Variants in IL1RAPL1 observed in about 807,000 individuals in gnomAD.
The protein encoded by IL1RAPL1 is interleukin-1 receptor accessory protein-like 1.
A neutral mutation model predicts 48.4 loss-of-function variants in IL1RAPL1; 3 were observed. The observed-to-expected ratio is 0.06, with a 90% CI of 0.03 to 0.16. The LOEUF (loss-of-function observed/expected upper bound fraction) is 0.16. Ranked by LOEUF, IL1RAPL1 falls within the 10% of genes least tolerant of loss-of-function variation. IL1RAPL1 has a pLI of 1.00. For synonymous variants in IL1RAPL1, 185 were observed against 187.7 expected (o/e 0.99, Z 0.12); for missense variants, 349 against 530.6 (o/e 0.66, Z 3.36).
At chrX:29,072,634 C>T (rs761567267) in intron 2 of IL1RAPL1, among the ~76,000 whole-genome samples, 39 of 111,656 alleles carry the variant, frequency 3.5e-4, no homozygotes, top group Non-Finnish European at 7.0e-4. Context: ...GGATTGGTGA[C>T]AGGATTTATC....
At chrX:29,438,869 G>T (rs972708120) in intron 5 of IL1RAPL1, among the ~76,000 whole-genome samples, 2 of 110,975 alleles carry the variant, frequency 1.8e-5, no homozygotes, top group Non-Finnish European at 3.8e-5. Flanking sequence ...TATAAATAAT[G>T]ACCAGATGCT....
intron 1 of IL1RAPL1, among the ~76,000 whole-genome samples, chrX:28,593,209 G>A (rs1343042426): frequency 9.0e-6 from 1 of 111,255 alleles, no homozygotes; most frequent in African/African-American, 3.3e-5. Flanking sequence ...GTATCCTTGT[G>A]TAGACACAAT....
chrX:28,691,011 C>T (rs196981), intron 1 of IL1RAPL1, among the ~76,000 whole-genome samples: 117 of 111,701 alleles, frequency 1.0e-3, no homozygotes, highest in Non-Finnish European at 2.0e-3. Context: ...AAATTAAAGT[C>T]AATCATTTTT....
chrX:29,625,215 A>G (rs1365237922), intron 5 of IL1RAPL1, among the ~76,000 whole-genome samples: 1 of 112,075 alleles, frequency 8.9e-6, no homozygotes, highest in Non-Finnish European at 1.9e-5. Flanking sequence ...ATTTTAATAA[A>G]AGTCTGTTAA....
chrX:28,824,372 G>A (rs1281645877), intron 2 of IL1RAPL1, among the ~76,000 whole-genome samples: 1 of 110,973 alleles, frequency 9.0e-6, no homozygotes, highest in Non-Finnish European at 1.9e-5. Flanking sequence ...GAAAACTCTA[G>A]TCAGAATTTC....
intron 2 of IL1RAPL1, among the ~76,000 whole-genome samples, chrX:29,066,141 A>G (rs904458521): frequency 2.7e-5 from 3 of 111,779 alleles, no homozygotes; most frequent in Non-Finnish European, 5.6e-5. Context: ...TAGATACTTT[A>G]TTATAGCAAC....
chrX:28,762,817 CACACACAGAGAGAGAGAGAGAGAGAG>C (rs1290623615), intron 1 of IL1RAPL1, among the ~76,000 whole-genome samples: 1,425 of 42,017 alleles, frequency 0.034, 64 homozygotes, highest in Admixed American at 0.25. Context: ...CACACACACA[CACACACAGAGAGAGAGAGAGAGAGAG>C]AGAGAGAGAA....
intron 6 of IL1RAPL1, among the ~76,000 whole-genome samples, chrX:29,706,160 C>T (rs1452821115): frequency 9.0e-6 from 1 of 111,589 alleles, no homozygotes; most frequent in Non-Finnish European, 1.9e-5. Context: ...GACCCGCCCA[C>T]ATGATTCAGT....
chrX:29,365,898 G>C (rs926239234), intron 3 of IL1RAPL1, among the ~76,000 whole-genome samples: 12 of 107,333 alleles, frequency 1.1e-4, no homozygotes, highest in African/African-American at 4.1e-4. Flanking sequence ...AAAATTAGCT[G>C]GGTGTGGTGG....
At chrX:29,797,306 G>A (rs1185798249) in intron 6 of IL1RAPL1, among the ~76,000 whole-genome samples, 1 of 112,297 alleles carries the variant, frequency 8.9e-6, no homozygotes, top group Non-Finnish European at 1.9e-5. Context: ...AAGAAAAGGA[G>A]AATCCAAGTG....
At chrX:28,615,225 T>TTTTTTTTTTTC in intron 1 of IL1RAPL1, among the ~76,000 whole-genome samples, 1 of 98,088 alleles carries the variant, frequency 1.0e-5, no homozygotes, top group Non-Finnish European at 2.0e-5. Context: ...TTTTTTTTTT[T>TTTTTTTTTTTC]TTTTTTTTTA....
intron 1 of IL1RAPL1, among the ~76,000 whole-genome samples, chrX:28,767,333 T>G (rs768522971): frequency 1.2e-4 from 13 of 111,460 alleles, no homozygotes; most frequent in Admixed American, 4.8e-4. Flanking sequence ...CTAGTCAGTG[T>G]CTAATAGCCT....
chrX:29,380,182 GT>G (rs1410938538), intron 3 of IL1RAPL1, among the ~76,000 whole-genome samples: 3 of 108,387 alleles, frequency 2.8e-5, no homozygotes, highest in African/African-American at 1.0e-4. Flanking sequence ...AGCTAATGGT[GT>G]GGGGAAACAG....
intron 6 of IL1RAPL1, among the ~76,000 whole-genome samples, chrX:29,825,554 C>A (rs951227102): frequency 9.0e-6 from 1 of 111,607 alleles, no homozygotes; most frequent in Non-Finnish European, 1.9e-5. Flanking sequence ...CGCAGCTCAA[C>A]AGCGGATGCT....
chrX:28,724,194 C>T (rs374451957), intron 1 of IL1RAPL1, among the ~76,000 whole-genome samples: 4 of 111,204 alleles, frequency 3.6e-5, no homozygotes, highest in East Asian at 5.7e-4. Context: ...GACAGTGCAG[C>T]GTTAAAGTCA....
intron 1 of IL1RAPL1, among the ~76,000 whole-genome samples, chrX:28,601,633 C>T (rs1409928239): frequency 9.0e-6 from 1 of 111,072 alleles, no homozygotes; most frequent in Middle Eastern, 4.2e-3. Context: ...AAGCACAAAG[C>T]TAGAATGAGG....
chrX:28,599,608 A>G (rs1322533800), intron 1 of IL1RAPL1, among the ~76,000 whole-genome samples: 3 of 110,983 alleles, frequency 2.7e-5, no homozygotes, highest in Admixed American at 9.6e-5. Flanking sequence ...TCCCATATGT[A>G]TTTTAATGAA....
At chrX:29,835,877 CT>C (rs763080058) in intron 6 of IL1RAPL1, among the ~76,000 whole-genome samples, 880 of 50,456 alleles carry the variant, frequency 0.017, 6 homozygotes, top group Middle Eastern at 0.053. Context: ...TTTGAGTCTT[CT>C]TTTTTTTTTT....
chrX:29,876,622 T>C (rs1181171718), intron 6 of IL1RAPL1, among the ~76,000 whole-genome samples: 4 of 111,091 alleles, frequency 3.6e-5, no homozygotes, highest in Non-Finnish European at 7.5e-5. Context: ...TCAGCCCAAA[T>C]ATCTATTAGT....
Sources: allele counts gnomAD v4.1 joint callset (sites outside exome capture counted in the v4.1 genomes callset), GRCh38; gene constraint gnomAD v4.1.1; transcripts MANE v1.5; gene names NCBI Gene and HGNC (gene_info 2026-07-23, HGNC 2026-07-21).